The following AMER1 variants were observed in gnomAD, a reference collection of about 807,000 sequenced individuals.
AMER1 encodes the protein RP11-403E24.2.
In AMER1, 16 loss-of-function variants were observed where a neutral mutation model predicts 53.0. The ratio of observed to expected loss-of-function variants is 0.30; its 90% CI spans 0.20 to 0.46. AMER1 has a LOEUF of 0.46. Among genes scored for constraint, AMER1 ranks in the 20% least tolerant of loss-of-function variants. The probability of loss-of-function intolerance (pLI) is 1.00; values close to 1 mark genes in which losing one functional copy is unlikely to be tolerated. For synonymous variants in AMER1, 354 were observed against 331.9 expected, an observed-to-expected ratio of 1.07 and a Z score of -0.73; for missense variants, 947 against 884.9, an observed-to-expected ratio of 1.07 and a Z score of -0.89.
At chrX:64,201,448 AACACACACAC>A (rs532857666) in intron 1 of AMER1, among the ~76,000 whole-genome samples, 7 of 83,117 alleles carry the variant, frequency 8.4e-5, no homozygotes, top group African/African-American at 1.8e-4. Context: ...TCCTTCCCCC[AACACACACAC>A]ACACACACAC....
intron 1 of AMER1, among the ~76,000 whole-genome samples, chrX:64,199,369 C>A (rs1423262547): frequency 2.7e-5 from 3 of 112,206 alleles, no homozygotes; most frequent in African/African-American, 9.7e-5. Flanking sequence ...AATTCTAATT[C>A]ACCTGAAGTT....
At position 64,191,304 on chromosome X, in the gene AMER1, T is replaced by C. The variant is rs377003236; in HGVS notation, c.1983A>G (p.Pro661=). ...CCCCTGCTGCCAGGCCCATCACTGA[T>C]GGGCCTAAGGGCCTCATCTGATACT... ...VLEYQMRPLG[P]SVMGLAAGVS... is the part of the protein sequence containing the mutation. Residue 661 remains proline, a synonymous_variant, in exon 2 of 2, where the codon CCA becomes CCG. Coordinates refer to ENST00000374869, the MANE Select transcript of AMER1 (RefSeq NM_152424.4). 4 of 1,209,885 alleles carry C rather than the reference T, an allele frequency of 3.3e-6. No individual in the cohort carries two copies. Among genetic ancestry groups the C allele is most frequent in the Non-Finnish European group, 3.4e-6 (3 of 895,150 alleles).
At position 64,186,560 on chromosome X, in the gene AMER1, G is replaced by C. The variant is rs1428387974; in HGVS notation, c.*3319C>G. The C allele has an allele frequency of 1.5e-5, 12 of 776,642 alleles. No homozygotes were observed. Among genetic ancestry groups the C allele is most frequent in the Non-Finnish European group, 1.8e-5 (12 of 653,607 alleles). 64.0% of individuals were successfully genotyped at this position (776,642 alleles called of 1,213,427 possible). On this transcript the variant is annotated 3_prime_UTR_variant, in exon 2 of 2. Transcript: ENST00000374869. The stretch of plus-strand genomic sequence containing the variant: ...GGGGCTGAGGGCAGGTGGGGTGGTG[G>C]CACTGGCACAGGTAAGGAAAGCTGC...
At chrX:64,203,195 C>T (rs984017788) in intron 1 of AMER1, among the ~76,000 whole-genome samples, 1 of 112,074 alleles carries the variant, frequency 8.9e-6, no homozygotes, top group African/African-American at 3.2e-5. Flanking sequence ...CATTCCAAAT[C>T]CTGGGCCTGT....
chrX:64,186,557 G>A lies in AMER1; in HGVS notation c.*3322C>T. The A allele has an allele frequency of 1.3e-6, 1 of 779,611 alleles. No homozygotes were observed. The allele number at this position is 779,611 out of a possible 1,213,427, so 64.2% of individuals were successfully genotyped here. On this transcript the variant is annotated 3_prime_UTR_variant, in exon 2 of 2. Coordinates refer to ENST00000374869, the MANE Select transcript of AMER1 (RefSeq NM_152424.4). ...CTGGGGGCTGAGGGCAGGTGGGGTG[G>A]TGGCACTGGCACAGGTAAGGAAAGC...
At position 64,187,272 on chromosome X, in the gene AMER1, C is replaced by T. The variant is rs2147082462; in HGVS notation, c.*2607G>A. The stretch of plus-strand genomic sequence containing the variant: ...AGCTCTAGAAATTCAAAGGAACCTG[C>T]TTCTGCAGCCACATATCCTGGCTGC... On this transcript the variant is annotated 3_prime_UTR_variant, in exon 2 of 2. Transcript: ENST00000374869. The T allele has an allele frequency of 1.3e-6, 1 of 787,019 alleles. No homozygotes were observed. Among genetic ancestry groups the T allele is most frequent in the East Asian group, 8.1e-5 (1 of 12,373 alleles). 64.9% of individuals were successfully genotyped at this position (787,019 alleles called of 1,213,427 possible). A position where few individuals can be genotyped will look rare whatever the true frequency, so the allele number is the denominator to read the frequency against.
At chrX:64,203,346 CG>C (rs1300673488) in intron 1 of AMER1, among the ~76,000 whole-genome samples, 1 of 111,581 alleles carries the variant, frequency 9.0e-6, no homozygotes, top group Admixed American at 9.5e-5. Flanking sequence ...TCAGGACAAG[CG>C]CAAGTTGGAA....
chrX:64,192,364 G>A lies in AMER1; in HGVS notation c.923C>T (p.Pro308Leu). ...CACATCCCCAAACAAGAGGCTCAGT[G>A]GGTCCCCCACAGGGCCATTGGGTGG... is the stretch of plus-strand genomic sequence containing the variant. ...VNPPNGPVGD[P>L]LSLLFGDVTS... Residue 308 changes from proline (P) to leucine (L), a missense_variant, in exon 2 of 2, where the codon CCA becomes CTA. Physicochemically the swap from Pro to Leu is moderately conservative, Grantham distance 98. Transcript: ENST00000374869. 2 of 1,212,458 alleles carry A rather than the reference G, an allele frequency of 1.6e-6. No individual in the cohort carries two copies. Among genetic ancestry groups the A allele is most frequent in the Middle Eastern group, 2.3e-4 (1 of 4,356 alleles).
chrX:64,200,227 G>T (rs1190658879), intron 1 of AMER1, among the ~76,000 whole-genome samples: 1 of 112,603 alleles, frequency 8.9e-6, no homozygotes, highest in Non-Finnish European at 1.9e-5. Context: ...GATCAGACAG[G>T]TGCCAACCCT....
intron 1 of AMER1, among the ~76,000 whole-genome samples, chrX:64,197,609 G>T (rs905110943): frequency 8.9e-6 from 1 of 112,712 alleles, no homozygotes; most frequent in Non-Finnish European, 1.9e-5. Context: ...ACATGGCCTT[G>T]ACCAGCCATA....
rs1282281241 is a variant in AMER1, at chrX:64,187,693, G to A, written c.*2186C>T. 3.9e-5 allele frequency: 30 copies of A among 773,259 alleles called. No individual in the cohort carries two copies. The highest frequency in any genetic ancestry group is 4.5e-5 in the Non-Finnish European group (29 of 650,885). 63.7% of individuals were successfully genotyped at this position (773,259 alleles called of 1,213,427 possible). On this transcript the variant is annotated 3_prime_UTR_variant, in exon 2 of 2. Coordinates refer to ENST00000374869, the MANE Select transcript of AMER1 (RefSeq NM_152424.4). The stretch of plus-strand genomic sequence containing the variant: ...AGAGGCAAGAGGTGGGTTCTTCCCT[G>A]TTGTAAAGGCATTTGGTGAGTGTTT...
At position 64,186,569 on chromosome X, in the gene AMER1, C is replaced by T; in HGVS notation, c.*3310G>A. Reference sequence around the variant, plus strand: ...GGCAGGTGGGGTGGTGGCACTGGCACAGGTAAGGAAAGCTGCTGGCAGCAG... The same window carrying T: ...GGCAGGTGGGGTGGTGGCACTGGCATAGGTAAGGAAAGCTGCTGGCAGCAG... On this transcript the variant is annotated 3_prime_UTR_variant, in exon 2 of 2. Coordinates refer to ENST00000374869, the MANE Select transcript of AMER1 (RefSeq NM_152424.4). 15 of 778,145 alleles carry T rather than the reference C, an allele frequency of 1.9e-5. No homozygotes were observed. The highest frequency in any genetic ancestry group is 2.3e-5 in the Non-Finnish European group (15 of 653,494). 64.1% of individuals were successfully genotyped at this position (778,145 alleles called of 1,213,427 possible).
In AMER1 at chrX:64,189,796, C is replaced by CCCCCCCCCCCCCCCCCCCCCCCCCCCA; in HGVS notation, c.*82_*83insTGGGGGGGGGGGGGGGGGGGGGGGGGG. 8.1e-6 allele frequency: 1 copy of CCCCCCCCCCCCCCCCCCCCCCCCCCCA among 123,744 alleles called. No homozygotes were observed. The allele number at this position is 123,744 out of a possible 1,213,427, so 10.2% of individuals were successfully genotyped here. On this transcript the variant is annotated 3_prime_UTR_variant, in exon 2 of 2. Coordinates refer to ENST00000374869, the MANE Select transcript of AMER1 (RefSeq NM_152424.4). ...AGGGTTTTCAAGTTAAACAACAACC[C>CCCCCCCCCCCCCCCCCCCCCCCCCCCA]CCACCCCCCCACCCTTCTGCCCAAC...
rs1015936196 is a variant in AMER1 at position 64,185,367 on chromosome X, C to T, written c.*4512G>A. ...TTACACCTGGGGTGATGATGTACTG[C>T]AGTTCCTAATTTCTTCCCTCCTTCC... On this transcript the variant is annotated 3_prime_UTR_variant, in exon 2 of 2. Transcript: ENST00000374869. The T allele has an allele frequency of 3.0e-5, 5 of 168,206 alleles. No homozygotes were observed. Among genetic ancestry groups the T allele is most frequent in the Non-Finnish European group, 5.7e-5 (5 of 88,083 alleles). The allele number at this position is 168,206 out of a possible 1,213,427, so 13.9% of individuals were successfully genotyped here. A position where few individuals can be genotyped will look rare whatever the true frequency, so the allele number is the denominator to read the frequency against.
In AMER1 at chrX:64,190,811, G is replaced by A. The variant is rs2147085995; in HGVS notation, c.2476C>T (p.Pro826Ser). ...AGATCTTCATCATTGTGGAACTCAG[G>A]ATTCTCTTCACACTTGCCTTCCCCA... ...RDGEGKCEEN[P>S]EFHNDEDLAA... The change falls in exon 2 of 2, where the codon CCT becomes TCT. Residue 826 changes from proline to serine, a missense_variant. By Grantham distance (74) the Pro-to-Ser change is moderately conservative (BLOSUM62 -1). Coordinates refer to ENST00000374869, the MANE Select transcript of AMER1 (RefSeq NM_152424.4). 8.3e-7 allele frequency: 1 copy of A among 1,209,443 alleles called. No homozygotes were observed. The highest frequency in any genetic ancestry group is 2.2e-5 in the Admixed American group (1 of 45,803).
At chrX:64,197,664 C>CT (rs1183111890) in intron 1 of AMER1, among the ~76,000 whole-genome samples, 2 of 112,585 alleles carry the variant, frequency 1.8e-5, no homozygotes, top group East Asian at 5.6e-4. Context: ...AGCAAGCCCA[C>CT]TTCAGGCCCA....
intron 1 of AMER1, among the ~76,000 whole-genome samples, chrX:64,197,205 G>C (rs1448264052): frequency 2.7e-5 from 3 of 112,707 alleles, no homozygotes; most frequent in African/African-American, 9.6e-5. Context: ...TGAGTTTCAG[G>C]TGGGCTGGGG....
rs2147090717 is a variant in AMER1, at chrX:64,192,930, A to G, written c.357T>C (p.Pro119=). The G allele has an allele frequency of 8.3e-7, 1 of 1,211,603 alleles. No homozygotes were observed. The highest frequency in any genetic ancestry group is 1.8e-5 in the South Asian group (1 of 56,980). The change falls in exon 2 of 2, where the codon CCT becomes CCC. Residue 119 remains proline (P), a synonymous_variant. Transcript: ENST00000374869. ...GAAATTGGCAGGGTAACTCAGGCAA[A>G]GGCAGGGAGAAGCCAGTTCCTTCAC... ...VVSEGTGFSL[P]LPELPCQFPS... is the part of the protein sequence containing the mutation.
rs2147085463 is a variant in AMER1, at chrX:64,190,574, C to T, written c.2713G>A (p.Glu905Lys). ...SLDTAETLEM[E>K]LSNSHLVQGY... ...TGGACCAAGTGGGAATTGGAGAGCT[C>T]CATCTCCAGGGTCTCTGCAGTGTCG... Residue 905 changes from glutamate (E) to lysine (K), a missense_variant, in exon 2 of 2, where the codon GAG becomes AAG. Transcript: ENST00000374869. 3.3e-6 allele frequency: 4 copies of T among 1,211,948 alleles called. No individual in the cohort carries two copies. The highest frequency in any genetic ancestry group is 4.5e-6 in the Non-Finnish European group (4 of 895,414).
Sources: gnomAD v4.1 joint callset for allele counts (sites outside exome capture counted in the v4.1 genomes callset) on GRCh38, gnomAD v4.1.1 for gene constraint, MANE v1.5 for transcripts, NCBI Gene and HGNC (gene_info 2026-07-23, HGNC 2026-07-21) for gene names.